The following PGPEP1L variants were observed in gnomAD, a reference collection of about 807,000 sequenced individuals.
PGPEP1L encodes the protein pyroglutamyl-peptidase 1-like protein.
PGPEP1L carries 7 observed loss-of-function variants against 6.0 expected under a neutral mutation model. That is an observed-to-expected ratio of 1.17 (90% CI 0.66 to 2.19). The LOEUF is 2.19. PGPEP1L is among the 30% of genes most tolerant of loss of function. The pLI, the probability that PGPEP1L is intolerant of heterozygous loss-of-function variation, is 0.00. For synonymous variants in PGPEP1L, 103 were observed against 83.9 expected (o/e 1.23, Z -1.24); for missense variants, 209 against 192.5 (o/e 1.09, Z -0.51).
chr15:98,979,447 T>C (rs867875560), intron 2 of PGPEP1L, among the ~76,000 whole-genome samples: 38 of 152,176 alleles, frequency 2.5e-4, no homozygotes, highest in African/African-American at 8.2e-4. Flanking sequence ...TATATATAAG[T>C]AGTGTGGTTA....
intron 2 of PGPEP1L, among the ~76,000 whole-genome samples, chr15:98,996,982 C>A (rs1314080620): frequency 6.6e-6 from 1 of 152,212 alleles, no homozygotes; most frequent in Non-Finnish European, 1.5e-5. Context: ...AATTGAGACA[C>A]AGAAAAGCTG....
At chr15:98,984,690 C>G (rs1217457119) in intron 2 of PGPEP1L, among the ~76,000 whole-genome samples, 1 of 152,166 alleles carries the variant, frequency 6.6e-6, no homozygotes, top group Non-Finnish European at 1.5e-5. Flanking sequence ...AGGTCCCAAA[C>G]CAGAATCCCA....
At chr15:98,974,772 T>G (rs940206391) in intron 2 of PGPEP1L, among the ~76,000 whole-genome samples, 1 of 152,172 alleles carries the variant, frequency 6.6e-6, no homozygotes, top group African/African-American at 2.4e-5. Flanking sequence ...GGCACACATC[T>G]GTAGTCCCAG....
At chr15:99,006,351 G>T (rs2018061754) in intron 1 of PGPEP1L, among the ~76,000 whole-genome samples, 1 of 152,212 alleles carries the variant, frequency 6.6e-6, no homozygotes, top group African/African-American at 2.4e-5. Context: ...TTGACACTGT[G>T]CTGGACTCCT....
intron 2 of PGPEP1L, among the ~76,000 whole-genome samples, chr15:98,980,048 C>A (rs1322077302): frequency 1.3e-5 from 2 of 152,064 alleles, no homozygotes; most frequent in Non-Finnish European, 2.9e-5. Flanking sequence ...GGGTGGGAAG[C>A]AGGTGAGGGA....
At chr15:98,995,346 T>C (rs1193505256) in intron 2 of PGPEP1L, among the ~76,000 whole-genome samples, 1 of 152,248 alleles carries the variant, frequency 6.6e-6, no homozygotes, top group Non-Finnish European at 1.5e-5. Flanking sequence ...TCTATATGTA[T>C]ATCTAATCTG....
chr15:98,976,338 G>C (rs1011037368), intron 2 of PGPEP1L, among the ~76,000 whole-genome samples: 1 of 152,120 alleles, frequency 6.6e-6, no homozygotes, highest in Non-Finnish European at 1.5e-5. Context: ...GACTAAATCC[G>C]TAGTAAATCA....
intron 2 of PGPEP1L, among the ~76,000 whole-genome samples, chr15:98,988,886 C>A (rs753989235): frequency 6.6e-6 from 1 of 152,124 alleles, no homozygotes; most frequent in Non-Finnish European, 1.5e-5. Flanking sequence ...CAGTAGAGTG[C>A]CCTGACTGTT....
chr15:98,984,005 T>C (rs1230362177), intron 2 of PGPEP1L, among the ~76,000 whole-genome samples: 4 of 143,364 alleles, frequency 2.8e-5, no homozygotes, highest in Non-Finnish European at 6.0e-5. Context: ...GTGGAGTAAG[T>C]AGTCTTTTTT....
intron 1 of PGPEP1L, among the ~76,000 whole-genome samples, chr15:99,006,621 G>A (rs2018068267): frequency 6.6e-6 from 1 of 152,174 alleles, no homozygotes; most frequent in Admixed American, 6.5e-5. Context: ...CTGAGGCCAG[G>A]AGTTCAAGAT....
At chr15:98,983,045 A>C (rs557037575) in intron 2 of PGPEP1L, among the ~76,000 whole-genome samples, 1 of 151,924 alleles carries the variant, frequency 6.6e-6, no homozygotes, top group Non-Finnish European at 1.5e-5. Flanking sequence ...AAAACAAAAC[A>C]AACCCACTCT....
intron 2 of PGPEP1L, among the ~76,000 whole-genome samples, chr15:98,996,874 A>G (rs1373249301): frequency 2.6e-5 from 4 of 152,166 alleles, no homozygotes; most frequent in African/African-American, 9.7e-5. Context: ...TAGAAGAATT[A>G]TATCTGTGAG....
At chr15:98,992,290 T>C (rs2017830106) in intron 2 of PGPEP1L, among the ~76,000 whole-genome samples, 1 of 152,082 alleles carries the variant, frequency 6.6e-6, no homozygotes, top group Non-Finnish European at 1.5e-5. Context: ...TTACAAGCAT[T>C]CCTATACACC....
At chr15:98,978,728 T>TATA (rs1567236403) in intron 2 of PGPEP1L, among the ~76,000 whole-genome samples, 42 of 25,500 alleles carry the variant, frequency 1.6e-3, no homozygotes, top group East Asian at 0.015. Context: ...ATATATATAT[T>TATA]TTTTTTTTTT....
At chr15:98,969,980 G>A (rs1045091159) in intron 3 of PGPEP1L, among the ~76,000 whole-genome samples, 1 of 152,254 alleles carries the variant, frequency 6.6e-6, no homozygotes, top group African/African-American at 2.4e-5. Context: ...AGTAAGTGGT[G>A]AGGCTACCAC....
chr15:98,997,054 C>G (rs1484487619), intron 2 of PGPEP1L, among the ~76,000 whole-genome samples: 1 of 152,138 alleles, frequency 6.6e-6, no homozygotes, highest in Non-Finnish European at 1.5e-5. Flanking sequence ...AGGCCTGGCT[C>G]TTTTCCATTC....
At chr15:99,001,369 GTA>G in intron 2 of PGPEP1L, 1 of 191,716 alleles carries the variant, frequency 5.2e-6, no homozygotes, top group South Asian at 7.3e-5. Context: ...TAGGGACAAA[GTA>G]TATTAGTGGT....
At chr15:98,988,788 G>A (rs973982088) in intron 2 of PGPEP1L, among the ~76,000 whole-genome samples, 7 of 152,254 alleles carry the variant, frequency 4.6e-5, no homozygotes, top group African/African-American at 9.6e-5. Flanking sequence ...AGCTTCAGGC[G>A]GCAATCTTTG....
chr15:99,004,262 T>C (rs1228177847), intron 2 of PGPEP1L, among the ~76,000 whole-genome samples: 2 of 151,648 alleles, frequency 1.3e-5, no homozygotes, highest in Non-Finnish European at 2.9e-5. Flanking sequence ...TAAAATAAAT[T>C]GGGGGGTGTG....
Sources: gnomAD v4.1 joint callset for allele counts (sites outside exome capture counted in the v4.1 genomes callset) on GRCh38, gnomAD v4.1.1 for gene constraint, MANE v1.5 for transcripts, NCBI Gene and HGNC (gene_info 2026-07-23, HGNC 2026-07-21) for gene names.